GLCE: variants seen among roughly 807,000 people sequenced by gnomAD.
GLCE encodes glucuronic acid epimerase.
In GLCE, 19 loss-of-function variants were observed where a neutral mutation model predicts 47.9. The observed-to-expected ratio is 0.40, with a 90% confidence interval of 0.28 to 0.58. The LOEUF is 0.58. Ranked by LOEUF, GLCE falls within the 20% of genes least tolerant of loss-of-function variation. The pLI is 0.48. For synonymous variants in GLCE, 245 were observed against 263.4 expected (o/e 0.93, Z 0.68); for missense variants, 556 against 743.3 (o/e 0.75, Z 2.93).
intron 1 of GLCE, among the ~76,000 whole-genome samples, chr15:69,181,711 T>A (rs2051751186): frequency 6.6e-6 from 1 of 152,100 alleles, no homozygotes; most frequent in Non-Finnish European, 1.5e-5. Context: ...ATTGGAGACA[T>A]GCAGAAAGAA....
intron 2 of GLCE, among the ~76,000 whole-genome samples, chr15:69,253,875 C>T (rs1269944032): frequency 6.6e-6 from 1 of 152,140 alleles, no homozygotes; most frequent in Non-Finnish European, 1.5e-5. Context: ...AAAGTATTGC[C>T]TACAACATTT....
rs1437951112 is a variant in GLCE, at chr15:69,272,096, T to A, written c.*2852T>A. 6.6e-6 allele frequency: 1 copy of A among 152,662 alleles called. No homozygotes were observed. Among genetic ancestry groups the A allele is most frequent in the South Asian group, 2.1e-4 (1 of 4,832 alleles). The allele number at this position is 152,662 out of a possible 1,614,324, so 9.5% of individuals were successfully genotyped here. On this transcript the variant is annotated 3_prime_UTR_variant, in exon 5 of 5. Transcript: ENST00000261858. Reference sequence around the variant, plus strand: ...TAGTTTTATATACAGCAAAACTTGATTTTTTGCAGATGGAAAGGTATTTTG... The same window carrying A: ...TAGTTTTATATACAGCAAAACTTGAATTTTTGCAGATGGAAAGGTATTTTG...
intron 2 of GLCE, among the ~76,000 whole-genome samples, chr15:69,215,510 G>A (rs972059512): frequency 1.3e-5 from 2 of 150,768 alleles, no homozygotes; most frequent in Non-Finnish European, 3.0e-5. Context: ...TCAGTCAATC[G>A]TGAATAAAGC....
intron 2 of GLCE, among the ~76,000 whole-genome samples, chr15:69,228,489 G>A (rs1254430268): frequency 1.3e-5 from 2 of 151,822 alleles, no homozygotes; most frequent in Non-Finnish European, 2.9e-5. Context: ...ATTATTAGCT[G>A]GCAAAAGAAA....
intron 2 of GLCE, among the ~76,000 whole-genome samples, chr15:69,229,769 T>C (rs1245173273): frequency 6.6e-5 from 10 of 152,020 alleles, no homozygotes. Flanking sequence ...ATAGCAGATA[T>C]ATACCCAATC....
intron 4 of GLCE, among the ~76,000 whole-genome samples, chr15:69,261,550 A>G (rs953569387): frequency 5.3e-5 from 8 of 152,212 alleles, no homozygotes; most frequent in African/African-American, 1.7e-4. Flanking sequence ...GAGCCAAGCC[A>G]TAGATTGAAT....
rs199559391 is a variant in GLCE at position 69,268,747 on chromosome 15, A to G, written c.1357A>G (p.Thr453Ala). ...SAMAQGQAIS[T>A]LVRAYLLTKD... ...CATGGCCCAAGGGCAAGCCATTTCTACATTAGTCAGGGCCTATCTGTTAAC... is the reference window on the plus strand; with the variant it reads ...CATGGCCCAAGGGCAAGCCATTTCTGCATTAGTCAGGGCCTATCTGTTAAC... The change falls in exon 5 of 5, where the codon ACA (threonine) becomes GCA (alanine). Residue 453 changes from threonine to alanine, a missense_variant. This residue lies in a region of GLCE where 245 missense variants were observed against 368.1 expected (regional missense o/e 0.67). Coordinates refer to ENST00000261858, the MANE Select transcript of GLCE (RefSeq NM_015554.3). 147 of 1,614,100 alleles carry G rather than the reference A, an allele frequency of 9.1e-5. No homozygotes were observed. The highest frequency in any genetic ancestry group is 1.2e-4 in the Non-Finnish European group (137 of 1,180,030).
Position 69,214,649 on chromosome 15 carries a change from T to C in GLCE, c.-14+4243T>C, listed in dbSNP as rs371051510. On this transcript the variant is annotated intron_variant, in intron 2 of 4. Coordinates refer to ENST00000261858, the MANE Select transcript of GLCE (RefSeq NM_015554.3). ...TACATACATCTATATTTATTTGTGT[T>C]TACTTTCTGTATACACGCTTAAAAT... 1.5e-4 allele frequency among the ~76,000 whole-genome samples: 23 copies of C among 152,278 alleles called. No homozygotes were observed. The East Asian group carries it at 2.9e-3, about 19-fold the overall frequency.
At chr15:69,254,351 C>T (rs1003407390) in intron 2 of GLCE, among the ~76,000 whole-genome samples, 8 of 152,112 alleles carry the variant, frequency 5.3e-5, no homozygotes, top group Non-Finnish European at 1.0e-4. Context: ...CACCATATGG[C>T]CAGAAGAAGC....
chr15:69,163,481 G>GT (rs2051457571), intron 1 of GLCE, among the ~76,000 whole-genome samples: 1 of 152,210 alleles, frequency 6.6e-6, no homozygotes, highest in African/African-American at 2.4e-5. Context: ...TACGATTGAT[G>GT]TGTGTTGTGA....
At chr15:69,174,414 A>G (rs1427472508) in intron 1 of GLCE, among the ~76,000 whole-genome samples, 2 of 43,290 alleles carry the variant, frequency 4.6e-5, no homozygotes, top group Non-Finnish European at 1.2e-4. Flanking sequence ...GTTTGAGACC[A>G]ACCTGGCCTA....
intron 1 of GLCE, among the ~76,000 whole-genome samples, chr15:69,182,779 T>C (rs2051768919): frequency 6.6e-6 from 1 of 152,084 alleles, no homozygotes; most frequent in Non-Finnish European, 1.5e-5. Context: ...TTCGGGAGGC[T>C]GAGGCAGGTG....
At chr15:69,187,934 C>T (rs541473722) in intron 1 of GLCE, among the ~76,000 whole-genome samples, 3 of 152,106 alleles carry the variant, frequency 2.0e-5, no homozygotes, top group Non-Finnish European at 2.9e-5. Context: ...CATGGTGGCA[C>T]GCACCTGTAG....
At chr15:69,180,141 A>T (rs1439553740) in intron 1 of GLCE, among the ~76,000 whole-genome samples, 1 of 152,230 alleles carries the variant, frequency 6.6e-6, no homozygotes, top group Non-Finnish European at 1.5e-5. Flanking sequence ...TGCATTAAAC[A>T]CCACTAACTA....
intron 1 of GLCE, among the ~76,000 whole-genome samples, chr15:69,182,117 G>A (rs2051756857): frequency 6.6e-6 from 1 of 151,852 alleles, no homozygotes; most frequent in Non-Finnish European, 1.5e-5. Flanking sequence ...ATGGAAGATT[G>A]AGGAGCAAAA....
At chr15:69,238,672 A>G (rs1282833826) in intron 2 of GLCE, among the ~76,000 whole-genome samples, 1 of 152,192 alleles carries the variant, frequency 6.6e-6, no homozygotes, top group Non-Finnish European at 1.5e-5. Flanking sequence ...GATGATTTTC[A>G]TTCAGCACAA....
intron 2 of GLCE, among the ~76,000 whole-genome samples, chr15:69,246,099 T>C (rs2052745451): frequency 6.6e-6 from 1 of 152,140 alleles, no homozygotes. Flanking sequence ...CTTTCTTTGC[T>C]CATGCATGAG....
intron 1 of GLCE, among the ~76,000 whole-genome samples, chr15:69,170,750 C>T (rs1383098948): frequency 2.6e-5 from 4 of 152,188 alleles, no homozygotes; most frequent in East Asian, 3.8e-4. Context: ...AAAGCAGGGT[C>T]TGGCAGTATT....
chr15:69,198,804 C>T (rs1014259869), intron 1 of GLCE, among the ~76,000 whole-genome samples: 3 of 152,250 alleles, frequency 2.0e-5, no homozygotes, highest in South Asian at 2.1e-4. Context: ...ATCCTCCTGC[C>T]TTGGCCTCCC....
Sources: gnomAD v4.1 joint callset for allele counts (sites outside exome capture counted in the v4.1 genomes callset) on GRCh38, gnomAD v4.1.1 for gene constraint, gnomAD v4.1.1 regional missense constraint, MANE v1.5 for transcripts, NCBI Gene and HGNC (gene_info 2026-07-23, HGNC 2026-07-21) for gene names.